MAN2A1: variants seen among roughly 807,000 people sequenced by gnomAD.
MAN2A1 encodes the protein alpha-mannosidase 2.
In MAN2A1, 76 loss-of-function variants were observed where a neutral mutation model predicts 142.6. That is an observed-to-expected ratio of 0.53 (90% CI 0.44 to 0.65). MAN2A1 has a LOEUF of 0.65. Among genes scored for constraint, MAN2A1 ranks in the 30% least tolerant of loss-of-function variants. MAN2A1 has a pLI of 0.00. For missense variants in MAN2A1, 1,311 were observed against 1,365.1 expected (o/e 0.96, Z 0.62); for synonymous variants, 559 against 473.2 (o/e 1.18, Z -2.35).
At chr5:109,854,215 CT>C (rs1462745888) in intron 19 of MAN2A1, 2 of 152,036 alleles carry the variant, frequency 1.3e-5, no homozygotes, top group South Asian at 2.1e-4. Context: ...ATCAAAGGAC[CT>C]TTCTGCATAA....
chr5:109,829,427 T>C (rs1267561538), intron 16 of MAN2A1, among the ~76,000 whole-genome samples: 1 of 152,180 alleles, frequency 6.6e-6, no homozygotes, highest in Non-Finnish European at 1.5e-5. Context: ...TCTCAAAACA[T>C]TCTCATAACA....
At chr5:109,729,895 G>A (rs1751855533) in intron 4 of MAN2A1, among the ~76,000 whole-genome samples, 1 of 152,082 alleles carries the variant, frequency 6.6e-6, no homozygotes, top group South Asian at 2.1e-4. Flanking sequence ...AGGAGGCTCA[G>A]GCACGACAAT....
intron 12 of MAN2A1, among the ~76,000 whole-genome samples, chr5:109,806,186 G>A (rs1398536498): frequency 3.9e-5 from 6 of 152,166 alleles, no homozygotes; most frequent in East Asian, 1.9e-4. Flanking sequence ...CTGCATCAGT[G>A]CTTCTAGCAC....
chr5:109,771,047 A>G (rs1753132824), intron 7 of MAN2A1, among the ~76,000 whole-genome samples: 1 of 152,196 alleles, frequency 6.6e-6, no homozygotes, highest in African/African-American at 2.4e-5. Flanking sequence ...TTTGACTTAC[A>G]GTAAACTTTA....
intron 16 of MAN2A1, among the ~76,000 whole-genome samples, chr5:109,836,993 C>G (rs2112750158): frequency 6.6e-6 from 1 of 151,534 alleles, no homozygotes; most frequent in South Asian, 2.1e-4. Flanking sequence ...AGACAGTTAC[C>G]TCATTCTTCT....
At chr5:109,817,536 T>A in intron 13 of MAN2A1, 98 bp downstream of exon 13, 1 of 1,206,044 alleles carries the variant, frequency 8.3e-7, no homozygotes. Flanking sequence ...GCCATCATGT[T>A]GGTGTATGTG....
intron 5 of MAN2A1, among the ~76,000 whole-genome samples, chr5:109,758,179 A>G (rs1170646469): frequency 6.6e-6 from 1 of 152,072 alleles, no homozygotes; most frequent in Non-Finnish European, 1.5e-5. Context: ...ATCTTCACCA[A>G]CATTTGTTAC....
chr5:109,842,437 T>C lies in MAN2A1; in HGVS notation c.2676T>C (p.Phe892=), dbSNP rs755743170. The C allele has an allele frequency of 2.5e-5, 39 of 1,577,632 alleles. No homozygotes were observed. The Admixed American group carries it at 6.5e-4, about 26-fold the overall frequency. Residue 892 remains phenylalanine, a synonymous_variant, in exon 17 of 22, where the codon TTT becomes TTC. Transcript: ENST00000261483. The part of the protein sequence containing the change: ...ISSDIKSQNR[F]YTDLNGYQIQ... ...CTGATATAAAAAGCCAAAATAGATT[T>C]TATACTGACCTAAATGGGTACCAGG...
intron 8 of MAN2A1, among the ~76,000 whole-genome samples, chr5:109,780,786 A>T (rs1753435855): frequency 6.6e-6 from 1 of 152,184 alleles, no homozygotes; most frequent in Admixed American, 6.5e-5. Flanking sequence ...CAGACTTGCC[A>T]TTCTTAGCAC....
intron 1 of MAN2A1, among the ~76,000 whole-genome samples, chr5:109,706,692 C>T (rs772372885): frequency 1.3e-5 from 2 of 151,732 alleles, no homozygotes; most frequent in Non-Finnish European, 2.9e-5. Context: ...TAATCAGAGT[C>T]CAGAAAGAAC....
chr5:109,706,578 A>C (rs187577508), intron 1 of MAN2A1, among the ~76,000 whole-genome samples: 1 of 152,220 alleles, frequency 6.6e-6, no homozygotes, highest in African/African-American at 2.4e-5. Context: ...ACAGGAGCCA[A>C]TGCTTAGCCA....
At position 109,747,572 on chromosome 5, in the gene MAN2A1, A is replaced by G. The variant is rs183987758; in HGVS notation, c.708-7757A>G. ...TCTATTTATAATCTAATTTTATACAAAGGTAACAAAGAGCTGGGGGGAGAG... is the reference window on the plus strand; with the variant it reads ...TCTATTTATAATCTAATTTTATACAGAGGTAACAAAGAGCTGGGGGGAGAG... On this transcript the variant is annotated intron_variant, in intron 4 of 21. Transcript: ENST00000261483. Among the ~76,000 whole-genome samples the G allele has an allele frequency of 7.2e-5, 11 of 152,194 alleles. No individual in the cohort carries two copies. In the East Asian group the frequency reaches 2.1e-3, roughly 29 times the overall value.
At chr5:109,744,548 A>G (rs112572717) in intron 4 of MAN2A1, among the ~76,000 whole-genome samples, 7 of 152,266 alleles carry the variant, frequency 4.6e-5, no homozygotes, top group African/African-American at 1.2e-4. Context: ...AGGGAGATAC[A>G]TATCAAAACT....
intron 1 of MAN2A1, among the ~76,000 whole-genome samples, chr5:109,697,833 C>T (rs376065189): frequency 6.6e-5 from 10 of 152,126 alleles, no homozygotes. Context: ...ACAAAATTCT[C>T]GTAAATTGGT....
intron 10 of MAN2A1, among the ~76,000 whole-genome samples, chr5:109,787,975 T>TA (rs1450604002): frequency 6.6e-6 from 1 of 151,908 alleles, no homozygotes; most frequent in Non-Finnish European, 1.5e-5. Context: ...CATGATCACT[T>TA]ACATCTCTGA....
At chr5:109,693,366 T>C (rs910560750) in intron 1 of MAN2A1, among the ~76,000 whole-genome samples, 2 of 151,870 alleles carry the variant, frequency 1.3e-5, no homozygotes, top group Admixed American at 6.6e-5. Flanking sequence ...AGTTTGGGTA[T>C]TGAATTCTTG....
At chr5:109,701,444 G>T (rs1750980603) in intron 1 of MAN2A1, among the ~76,000 whole-genome samples, 1 of 152,140 alleles carries the variant, frequency 6.6e-6, no homozygotes, top group South Asian at 2.1e-4. Context: ...ATTGCCCTGA[G>T]AGTTTGTCTG....
At chr5:109,808,884 G>T (rs894815171) in intron 12 of MAN2A1, among the ~76,000 whole-genome samples, 3 of 151,758 alleles carry the variant, frequency 2.0e-5, no homozygotes, top group Admixed American at 6.6e-5. Context: ...TGTATTTTTA[G>T]TAGAGACAGG....
chr5:109,748,487 G>C (rs1029262945), intron 4 of MAN2A1, among the ~76,000 whole-genome samples: 6 of 151,302 alleles, frequency 4.0e-5, no homozygotes, highest in African/African-American at 1.5e-4. Context: ...GAACAAAACT[G>C]ATGTGATTCC....
Sources: gnomAD v4.1 joint callset for allele counts (sites outside exome capture counted in the v4.1 genomes callset) on GRCh38, gnomAD v4.1.1 for gene constraint, MANE v1.5 for transcripts, NCBI Gene and HGNC (gene_info 2026-07-23, HGNC 2026-07-21) for gene names.